CDR2L: variants seen among roughly 807,000 people sequenced by gnomAD.
CDR2L encodes cerebellar degeneration related protein 2 like.
CDR2L carries 19 observed loss-of-function variants against 36.1 expected under a neutral mutation model. The observed-to-expected ratio is 0.53, with a 90% CI of 0.37 to 0.77. The LOEUF (loss-of-function observed/expected upper bound fraction) is 0.77, where lower values mean the gene tolerates loss of function less well. Among genes scored for constraint, CDR2L ranks in the 30% least tolerant of loss-of-function variants. CDR2L has a pLI of 0.00. For missense variants in CDR2L, 575 were observed against 627.2 expected, an observed-to-expected ratio of 0.92 and a Z score of 0.89; for synonymous variants, 285 against 280.4, an observed-to-expected ratio of 1.02 and a Z score of -0.16.
intron 1 of CDR2L, among the ~76,000 whole-genome samples, chr17:74,994,811 G>A (rs1001533311): frequency 1.3e-5 from 2 of 151,634 alleles, no homozygotes; most frequent in African/African-American, 4.8e-5. Context: ...CTCGGGTAGG[G>A]CGCGATCCCA....
At position 75,002,903 on chromosome 17, in the gene CDR2L, C is replaced by A. The variant is rs1436097149; in HGVS notation, c.507-280C>A. On this transcript the variant is annotated intron_variant, in intron 4 of 4. Coordinates refer to ENST00000337231, the MANE Select transcript of CDR2L (RefSeq NM_014603.3). This position sits in a 1 kb window ranked among gnomAD's most constrained non-coding sequence, Gnocchi z 4.1. ...AAGAAGACACACCCCACGGCCTCTG[C>A]TCCCCCCTCGGACCTCTAGCCAGTG... Among the ~76,000 whole-genome samples, 2 of 152,168 alleles carry A rather than the reference C, an allele frequency of 1.3e-5. No homozygotes were observed. Among genetic ancestry groups the A allele is most frequent in the African/African-American group, 2.4e-5 (1 of 41,424 alleles).
In CDR2L at chr17:75,004,427, C is replaced by CT. The variant is rs5822063; in HGVS notation, c.*368dup. On this transcript the variant is annotated 3_prime_UTR_variant, in exon 5 of 5. Coordinates refer to ENST00000337231, the MANE Select transcript of CDR2L (RefSeq NM_014603.3). Reference sequence around the variant, plus strand: ...CTGAAAGCCATTCTGGATCAGTTGGCTTTTTTTTTTTTTTTGGTTAAGTTT... The same window carrying CT: ...CTGAAAGCCATTCTGGATCAGTTGGCTTTTTTTTTTTTTTTTGGTTAAGTTT... 8.8e-3 allele frequency: 1,372 copies of CT among 156,356 alleles called. 11 individuals are homozygous for CT. Among genetic ancestry groups the CT allele is most frequent in the South Asian group, 0.027 (129 of 4,722 alleles). The allele number at this position is 156,356 out of a possible 1,614,324, so 9.7% of individuals were successfully genotyped here.
At chr17:74,999,288 G>GCA (rs113287746) in intron 1 of CDR2L, among the ~76,000 whole-genome samples, 3,728 of 144,936 alleles carry the variant, frequency 0.026, 73 homozygotes, top group African/African-American at 0.054. Flanking sequence ...ATTACATCTT[G>GCA]CACACACACA....
rs550269265 is a variant in CDR2L at position 74,989,282 on chromosome 17, A to G, written c.79+1160A>G. ...ATGAGGCTCTGTCCTTGTGCTGAGG[A>G]CAAGGGTTAATCATAGCCTCAGGGG... is the stretch of plus-strand genomic sequence containing the variant. On this transcript the variant is annotated intron_variant, in intron 1 of 4. Coordinates refer to ENST00000337231, the MANE Select transcript of CDR2L (RefSeq NM_014603.3). The surrounding 1 kb of genome is among the most constrained non-coding windows in gnomAD (Gnocchi z 4.2). Among the ~76,000 whole-genome samples the G allele has an allele frequency of 6.6e-6, 1 of 152,228 alleles. No individual in the cohort carries two copies. The highest frequency in any genetic ancestry group is 1.5e-5 in the Non-Finnish European group (1 of 68,004).
intron 1 of CDR2L, among the ~76,000 whole-genome samples, 178 bp from the exon 2 acceptor site, chr17:74,999,326 A>ACACACACAC (rs60772273): frequency 7.5e-6 from 1 of 133,502 alleles, no homozygotes; most frequent in Admixed American, 7.8e-5. Context: ...AGACACACAC[A>ACACACACAC]AAAAGAACAT....
At position 74,987,973 on chromosome 17, in the gene CDR2L, G is replaced by T. The variant is rs531823657; in HGVS notation, c.-71G>T. 2 of 854,278 alleles carry T rather than the reference G, an allele frequency of 2.3e-6. No individual in the cohort carries two copies. Among genetic ancestry groups the T allele is most frequent in the Non-Finnish European group, 3.2e-6 (2 of 629,910 alleles). The allele number at this position is 854,278 out of a possible 1,614,324, so 52.9% of individuals were successfully genotyped here. A position where few individuals can be genotyped will look rare whatever the true frequency, so the allele number is the denominator to read the frequency against. On this transcript the variant is annotated 5_prime_UTR_variant, in exon 1 of 5. Transcript: ENST00000337231. ...GCTGGAGGCCCGGCCCGCCTCAGCC[G>T]CATTGTCCCGGGCCGCGCGCACCGG...
rs191845112 is a variant in CDR2L, at chr17:75,001,525, G to C, written c.341+36G>C. 2.1e-4 allele frequency: 316 copies of C among 1,490,782 alleles called. 1 individual carries two copies. The African/African-American group carries it at 2.6e-3, about 12-fold the overall frequency. 92.3% of individuals were successfully genotyped at this position (1,490,782 alleles called of 1,614,324 possible). A position where few individuals can be genotyped will look rare whatever the true frequency, so the allele number is the denominator to read the frequency against. ...GGCTGAGGGCTGGGGGGCGGGCGAG[G>C]GAGAGCCCCAGGGCTGAGTGTACAC... On this transcript the variant is annotated intron_variant, in intron 3 of 4. Transcript: ENST00000337231.
Position 75,004,185 on chromosome 17 carries a change from C to CG in CDR2L, c.*112dup, listed in dbSNP as rs1567976617. 3.1e-5 allele frequency: 28 copies of CG among 917,448 alleles called. No individual in the cohort carries two copies. The highest frequency in any genetic ancestry group is 4.5e-5 in the Non-Finnish European group (28 of 618,064). 56.8% of individuals were successfully genotyped at this position (917,448 alleles called of 1,614,324 possible). A position where few individuals can be genotyped will look rare whatever the true frequency, so the allele number is the denominator to read the frequency against. ...CCTTTAGCGGCCTGCCACCACAGCA[C>CG]GCGGCCTCCTGATCCGGAAGCACGC... On this transcript the variant is annotated 3_prime_UTR_variant, in exon 5 of 5. Transcript: ENST00000337231.
intron 3 of CDR2L, 94 bp downstream of exon 3, chr17:75,001,583 C>A: frequency 8.6e-7 from 1 of 1,163,648 alleles, no homozygotes; most frequent in Non-Finnish European, 1.1e-6. Context: ...GTGACTTGTG[C>A]ACGTCTCCCT....
intron 1 of CDR2L, among the ~76,000 whole-genome samples, chr17:74,997,128 G>C (rs899004209): frequency 7.0e-6 from 1 of 143,046 alleles, no homozygotes; most frequent in African/African-American, 2.6e-5. Context: ...ACTCAGGCTG[G>C]AGTGCAGTGG....
chr17:74,994,804 G>A (rs7211179), intron 1 of CDR2L, among the ~76,000 whole-genome samples: 46 of 151,620 alleles, frequency 3.0e-4, no homozygotes, highest in African/African-American at 7.0e-4. Context: ...ATGGGGTCTC[G>A]GGTAGGGCGC....
intron 1 of CDR2L, among the ~76,000 whole-genome samples, chr17:74,994,766 C>G (rs991744787): frequency 6.6e-6 from 1 of 151,914 alleles, no homozygotes; most frequent in Admixed American, 6.6e-5. Context: ...CCACCATGCC[C>G]GGCTAATTTT....
intron 1 of CDR2L, among the ~76,000 whole-genome samples, chr17:74,988,871 G>C (rs755742268): frequency 6.6e-6 from 1 of 152,168 alleles, no homozygotes; most frequent in Non-Finnish European, 1.5e-5. Flanking sequence ...CTGGAAGGGG[G>C]TTAGAAGCTG....
At chr17:75,003,037 A>G (rs2039876316) in intron 4 of CDR2L, 146 bp from the exon 5 acceptor site, 1 of 805,544 alleles carries the variant, frequency 1.2e-6, no homozygotes, top group Admixed American at 2.7e-5. Flanking sequence ...AGGAGGGTGG[A>G]GAGCCAACGG....
chr17:74,997,580 A>G (rs939147229), intron 1 of CDR2L, among the ~76,000 whole-genome samples: 2 of 152,112 alleles, frequency 1.3e-5, no homozygotes, highest in Non-Finnish European at 2.9e-5. Context: ...GGGGATATTC[A>G]TGAGCAAAAC....
rs1428150940 is a variant in CDR2L, at chr17:74,989,943, G to A, written c.79+1821G>A. Among the ~76,000 whole-genome samples the A allele has an allele frequency of 6.6e-6, 1 of 152,138 alleles. No homozygotes were observed. Among genetic ancestry groups the A allele is most frequent in the Non-Finnish European group, 1.5e-5 (1 of 68,016 alleles). ...CGTGAGCCACCACGCCCGGCTGGTG[G>A]CACAGTATTATGGGCAGTGGGGAGG... is the stretch of plus-strand genomic sequence containing the variant. On this transcript the variant is annotated intron_variant, in intron 1 of 4. Transcript: ENST00000337231. The surrounding 1 kb of genome is among the most constrained non-coding windows in gnomAD (Gnocchi z 4.2).
In CDR2L at chr17:74,987,826, C is replaced by T. The variant is rs1448408954; in HGVS notation, c.-218C>T. ...CTTTGTGTCGCCGCAGCCCGGTGCCCCCGGCTCTGCGGGACCCCGGCCGGG... is the reference window on the plus strand; with the variant it reads ...CTTTGTGTCGCCGCAGCCCGGTGCCTCCGGCTCTGCGGGACCCCGGCCGGG... On this transcript the variant is annotated 5_prime_UTR_variant, in exon 1 of 5. Transcript: ENST00000337231. The T allele has an allele frequency of 4.1e-6, 1 of 246,682 alleles. No individual in the cohort carries two copies. Among genetic ancestry groups the T allele is most frequent in the Non-Finnish European group, 7.7e-6 (1 of 129,978 alleles). The allele number at this position is 246,682 out of a possible 1,614,324, so 15.3% of individuals were successfully genotyped here. A position where few individuals can be genotyped will look rare whatever the true frequency, so the allele number is the denominator to read the frequency against.
chr17:74,993,434 C>G (rs1252728331), intron 1 of CDR2L, among the ~76,000 whole-genome samples: 1 of 152,142 alleles, frequency 6.6e-6, no homozygotes, highest in South Asian at 2.1e-4. Flanking sequence ...AGCACCAGCA[C>G]GCCCAGCTAA....
chr17:74,994,939 C>T (rs1377532068), intron 1 of CDR2L, among the ~76,000 whole-genome samples: 3 of 151,966 alleles, frequency 2.0e-5, no homozygotes, highest in East Asian at 1.9e-4. Flanking sequence ...CGTGGTAGCA[C>T]GCGCCTGTAG....
Sources: gnomAD v4.1 joint callset for allele counts (sites outside exome capture counted in the v4.1 genomes callset) on GRCh38, gnomAD v4.1.1 for gene constraint, Gnocchi (gnomAD v3.1) non-coding constraint, MANE v1.5 for transcripts, NCBI Gene and HGNC (gene_info 2026-07-23, HGNC 2026-07-21) for gene names.